Variants in TENM3 observed in about 807,000 individuals in gnomAD.
The protein encoded by TENM3 is teneurin-3.
TENM3 carries 63 observed loss-of-function variants against 255.1 expected under a neutral mutation model. The ratio of observed to expected loss-of-function variants is 0.25; its 90% CI spans 0.20 to 0.30. The LOEUF (loss-of-function observed/expected upper bound fraction) is 0.30, where lower values mean the gene tolerates loss of function less well. TENM3 is among the 10% of genes least tolerant of loss of function. The probability of loss-of-function intolerance (pLI) is 1.00; values close to 1 mark genes in which losing one functional copy is unlikely to be tolerated. For missense variants in TENM3, 2,929 were observed against 3,461.1 expected, an observed-to-expected ratio of 0.85 and a Z score of 3.86; for synonymous variants, 1,306 against 1,322.3, an observed-to-expected ratio of 0.99 and a Z score of 0.27.
At chr4:182,572,011 C>T (rs1744430631) in intron 3 of TENM3, among the ~76,000 whole-genome samples, 1 of 152,268 alleles carries the variant, frequency 6.6e-6, no homozygotes, top group East Asian at 1.9e-4. Context: ...AAGCAATTCT[C>T]CTGCCTCAGC....
At chr4:181,599,532 C>A in the TENM3 span, among the ~76,000 whole-genome samples, 1 of 152,158 alleles carries the variant, frequency 6.6e-6, no homozygotes, top group African/African-American at 2.4e-5. Flanking sequence ...CATTCTCCTA[C>A]CACTGAAATA....
the TENM3 span, among the ~76,000 whole-genome samples, chr4:181,560,046 G>C: frequency 6.6e-6 from 1 of 152,124 alleles, no homozygotes; most frequent in East Asian, 1.9e-4. Flanking sequence ...GTCTTAGTTT[G>C]TTTAGGCTAC....
chr4:181,552,682 T>C, the TENM3 span, among the ~76,000 whole-genome samples: 2 of 152,212 alleles, frequency 1.3e-5, no homozygotes, highest in Non-Finnish European at 2.9e-5. Context: ...TTTATTATTA[T>C]GTTCTTCTGG....
intron 1 of TENM3, among the ~76,000 whole-genome samples, chr4:182,237,417 G>T (rs887265181): frequency 1.3e-5 from 2 of 150,022 alleles, no homozygotes; most frequent in Admixed American, 1.3e-4. Flanking sequence ...CTAGGCTGGG[G>T]TGCAATGGTG....
chr4:181,712,652 C>A, the TENM3 span, among the ~76,000 whole-genome samples: 3 of 152,116 alleles, frequency 2.0e-5, no homozygotes, highest in African/African-American at 7.2e-5. Context: ...TTTTATTTTT[C>A]GCTCTCTTGG....
At chr4:182,365,868 G>A (rs1440103454) in intron 3 of TENM3, among the ~76,000 whole-genome samples, 1 of 152,136 alleles carries the variant, frequency 6.6e-6, no homozygotes, top group African/African-American at 2.4e-5. Context: ...ATAGCCTGTT[G>A]CTCCTAGGCT....
upstream of TENM3, chr4:182,141,273 C>T (rs577069750): frequency 6.6e-6 from 1 of 152,392 alleles, no homozygotes; most frequent in East Asian, 1.9e-4. Flanking sequence ...CATTTCTTCT[C>T]CCGCTCCAGT....
chr4:182,343,747 A>G (rs931945064), intron 2 of TENM3, among the ~76,000 whole-genome samples: 2 of 150,676 alleles, frequency 1.3e-5, no homozygotes, highest in Non-Finnish European at 2.9e-5. Context: ...AGCATAGTGT[A>G]TCTTGCTAAA....
chr4:182,582,620 AC>A (rs1233528230), intron 3 of TENM3, among the ~76,000 whole-genome samples: 1 of 152,160 alleles, frequency 6.6e-6, no homozygotes, highest in East Asian at 1.9e-4. Context: ...ACAAAAAAAA[AC>A]ATATAAAATA....
At chr4:182,430,976 C>T in intron 3 of TENM3, among the ~76,000 whole-genome samples, 1 of 151,858 alleles carries the variant, frequency 6.6e-6, no homozygotes, top group Non-Finnish European at 1.5e-5. Context: ...TGTGCCATTG[C>T]ACTCCAGCCT....
chr4:181,640,016 A>G, the TENM3 span, among the ~76,000 whole-genome samples: 1 of 152,182 alleles, frequency 6.6e-6, no homozygotes, highest in Non-Finnish European at 1.5e-5. Flanking sequence ...TAATTGGCAA[A>G]AGGTACCCAA....
At chr4:181,600,619 C>A in the TENM3 span, among the ~76,000 whole-genome samples, 1 of 151,742 alleles carries the variant, frequency 6.6e-6, no homozygotes, top group African/African-American at 2.4e-5. Flanking sequence ...TTCCTGGGGA[C>A]TCTGATTGCC....
At chr4:182,297,530 T>C (rs367608815) in intron 1 of TENM3, among the ~76,000 whole-genome samples, 1 of 152,188 alleles carries the variant, frequency 6.6e-6, no homozygotes. Flanking sequence ...CATTACTTCT[T>C]GGATGGAAGA....
chr4:182,399,293 T>C (rs979081710), intron 3 of TENM3, among the ~76,000 whole-genome samples: 1 of 152,194 alleles, frequency 6.6e-6, no homozygotes, highest in Admixed American at 6.5e-5. Flanking sequence ...GTGGTACTTT[T>C]TTTTTTCATC....
At chr4:182,400,107 A>ATGTTT (rs1389754346) in intron 3 of TENM3, among the ~76,000 whole-genome samples, 1 of 152,030 alleles carries the variant, frequency 6.6e-6, no homozygotes, top group Non-Finnish European at 1.5e-5. Context: ...GTAATGTTTA[A>ATGTTT]TGTTTCCATT....
At chr4:182,496,344 T>C (rs1035713273) in intron 3 of TENM3, among the ~76,000 whole-genome samples, 2 of 152,140 alleles carry the variant, frequency 1.3e-5, no homozygotes, top group African/African-American at 2.4e-5. Flanking sequence ...AGAAATGATA[T>C]ATCAGAATTT....
chr4:182,540,487 G>A (rs1254328339), intron 3 of TENM3, among the ~76,000 whole-genome samples: 8 of 152,108 alleles, frequency 5.3e-5, no homozygotes, highest in African/African-American at 1.9e-4. Context: ...TACGGGAGGC[G>A]GAGGCAGGAG....
chr4:181,581,451 C>G, the TENM3 span, among the ~76,000 whole-genome samples: 1 of 151,908 alleles, frequency 6.6e-6, no homozygotes, highest in African/African-American at 2.4e-5. Context: ...AAAAACAAAA[C>G]AAAACAAAAC....
At chr4:181,792,407 T>A in the TENM3 span, among the ~76,000 whole-genome samples, 1 of 152,188 alleles carries the variant, frequency 6.6e-6, no homozygotes, top group African/African-American at 2.4e-5. Flanking sequence ...AAGCTCTTCA[T>A]CATGAATTAC....
Sources: gnomAD v4.1 joint callset for allele counts (sites outside exome capture counted in the v4.1 genomes callset) on GRCh38, gnomAD v4.1.1 for gene constraint, MANE v1.5 for transcripts, NCBI Gene and HGNC (gene_info 2026-07-23, HGNC 2026-07-21) for gene names.